IL31RA: variants seen among roughly 807,000 people sequenced by gnomAD.
IL31RA encodes interleukin 31 receptor A, also known as interleukin-31 receptor subunit alpha.
A neutral mutation model predicts 83.7 loss-of-function variants in IL31RA; 66 were observed. The ratio of observed to expected loss-of-function variants is 0.79; its 90% CI spans 0.65 to 0.97. The LOEUF is 0.97. IL31RA is among the 50% of genes least tolerant of loss of function. IL31RA has a pLI of 0.00. For synonymous variants in IL31RA, 325 were observed against 329.0 expected, an observed-to-expected ratio of 0.99 and a Z score of 0.13; for missense variants, 798 against 919.4, an observed-to-expected ratio of 0.87 and a Z score of 1.71.
intron 14 of IL31RA, among the ~76,000 whole-genome samples, chr5:55,916,005 A>G (rs540083272): frequency 2.0e-5 from 3 of 152,302 alleles, no homozygotes; most frequent in Admixed American, 2.0e-4. Flanking sequence ...AAGAGTTCTA[A>G]TTTTAGTTCT....
At chr5:55,847,261 A>G (rs1463484923), upstream of IL31RA, among the ~76,000 whole-genome samples, 6 of 144,968 alleles carry the variant, frequency 4.1e-5, no homozygotes, top group Non-Finnish European at 6.0e-5. Flanking sequence ...ATAAATAAAT[A>G]AATAAATAAA....
At chr5:55,850,039 G>A (rs933107655), upstream of IL31RA, among the ~76,000 whole-genome samples, 2 of 152,170 alleles carry the variant, frequency 1.3e-5, no homozygotes, top group Non-Finnish European at 2.9e-5. Context: ...GAGTTATAAA[G>A]GAATTGATCC....
chr5:55,851,079 G>A (rs2112257022), upstream of IL31RA, among the ~76,000 whole-genome samples: 2 of 150,740 alleles, frequency 1.3e-5, no homozygotes, highest in East Asian at 3.9e-4. Context: ...TAAGCAACAA[G>A]AGCGAAACTC....
At chr5:55,865,774 G>T (rs1746012468) in intron 2 of IL31RA, among the ~76,000 whole-genome samples, 1 of 152,192 alleles carries the variant, frequency 6.6e-6, no homozygotes, top group Non-Finnish European at 1.5e-5. Flanking sequence ...ACTTAAATTT[G>T]TTAACGTTGT....
chr5:55,853,296 G>T, intron 1 of IL31RA: 1 of 1,212,988 alleles, frequency 8.2e-7, no homozygotes, highest in Non-Finnish European at 1.0e-6. Flanking sequence ...AGAGTTGAGT[G>T]TTTTTGTTTT....
chr5:55,843,263 G>T, the IL31RA span, among the ~76,000 whole-genome samples: 1 of 152,154 alleles, frequency 6.6e-6, no homozygotes, highest in Admixed American at 6.5e-5. Context: ...AAAGAAAATT[G>T]GGATTTCAGG....
intron 4 of IL31RA, among the ~76,000 whole-genome samples, chr5:55,881,534 C>T (rs889525639): frequency 6.6e-6 from 1 of 151,774 alleles, no homozygotes; most frequent in African/African-American, 2.4e-5. Context: ...CCCACTTGCA[C>T]GGCGGCCTGC....
intron 1 of IL31RA, chr5:55,852,316 C>G (rs1045784180): frequency 6.6e-6 from 1 of 152,246 alleles, no homozygotes; most frequent in African/African-American, 2.4e-5. Context: ...ATTACAGGTG[C>G]CTGCCACCAT....
rs895793088 is a variant in IL31RA, at chr5:55,918,988, C to T, written c.*1868C>T. 1.3e-5 allele frequency among the ~76,000 whole-genome samples: 2 copies of T among 152,192 alleles called. No homozygotes were observed. Among genetic ancestry groups the T allele is most frequent in the Non-Finnish European group, 2.9e-5 (2 of 68,040 alleles). On this transcript the variant is annotated 3_prime_UTR_variant, in exon 15 of 15. Coordinates refer to ENST00000652347, the MANE Select transcript of IL31RA (RefSeq NM_139017.7). ...AAACAAAAGAGATGCGTCCAATTCT[C>T]ATGCCGCCCCTGATGTCTGCTCTCC...
At chr5:55,899,890 A>G (rs768101754) in intron 7 of IL31RA, 26 bp from the exon 8 acceptor site, 1 of 1,560,020 alleles carries the variant, frequency 6.4e-7, no homozygotes, top group South Asian at 1.1e-5. Context: ...GTTATTGGCA[A>G]TAAATTTTGT....
intron 7 of IL31RA, 110 bp from the exon 8 acceptor site, chr5:55,899,806 T>C: frequency 1.3e-6 from 1 of 744,920 alleles, no homozygotes; most frequent in African/African-American, 1.7e-5. Flanking sequence ...TGTAGTTTAG[T>C]ATCTAATAGT....
At chr5:55,872,619 G>A (rs1039016401) in intron 4 of IL31RA, among the ~76,000 whole-genome samples, 168 bp downstream of exon 4, 1 of 123,506 alleles carries the variant, frequency 8.1e-6, no homozygotes, top group Non-Finnish European at 1.8e-5. Flanking sequence ...GTGGGGGAAG[G>A]AGGGAAGGAA....
intron 6 of IL31RA, 147 bp from the exon 7 acceptor site, chr5:55,896,203 C>A: frequency 1.4e-6 from 1 of 700,806 alleles, no homozygotes; most frequent in East Asian, 2.7e-5. Context: ...CATCTTTGGT[C>A]ATTGCAAAGC....
At chr5:55,845,402 G>C in the IL31RA span, among the ~76,000 whole-genome samples, 1 of 119,770 alleles carries the variant, frequency 8.3e-6, no homozygotes, top group East Asian at 2.2e-4. Flanking sequence ...GGGCTGTAGT[G>C]GGGTATTTTC....
intron 1 of IL31RA, chr5:55,853,684 C>T: frequency 9.8e-7 from 1 of 1,021,078 alleles, no homozygotes; most frequent in Non-Finnish European, 1.5e-6. Context: ...TGAATTTCTC[C>T]TTGAACTGGT....
chr5:55,844,633 T>C, the IL31RA span, among the ~76,000 whole-genome samples: 1 of 152,326 alleles, frequency 6.6e-6, no homozygotes, highest in Non-Finnish European at 1.5e-5. Context: ...TCTGAGTTTA[T>C]TGGATCCTTG....
At chr5:55,895,215 T>C (rs1748256573) in intron 6 of IL31RA, among the ~76,000 whole-genome samples, 1 of 152,234 alleles carries the variant, frequency 6.6e-6, no homozygotes, top group African/African-American at 2.4e-5. Flanking sequence ...ACTAGGGACA[T>C]TTACTCTCTT....
In IL31RA at chr5:55,903,658, G is replaced by T. The variant is rs1291979518; in HGVS notation, c.1070-2448G>T. 1.3e-5 allele frequency among the ~76,000 whole-genome samples: 2 copies of T among 152,160 alleles called. No individual in the cohort carries two copies. The highest frequency in any genetic ancestry group is 3.8e-4 in the East Asian group (2 of 5,196). On this transcript the variant is annotated intron_variant, in intron 8 of 14. Coordinates refer to ENST00000652347, the MANE Select transcript of IL31RA (RefSeq NM_139017.7). The surrounding 1 kb of genome is among the most constrained non-coding windows in gnomAD (Gnocchi z 4.7). ...CCTGCTCCTCAGAGCTCCAGTGTTG[G>T]TGAGAAGGAGTGTGGGTTTAGACAC...
At position 55,922,749 on chromosome 5, in the gene IL31RA, T is replaced by C; in HGVS notation, c.*5629T>C. ...ATGTAATGCTATACTTCTATACTAT[T>C]TTCATGTAATACTATACTTCTATAC... On this transcript the variant is annotated 3_prime_UTR_variant, in exon 15 of 15. Transcript: ENST00000652347. The C allele has an allele frequency of 2.9e-6, 1 of 347,978 alleles. No homozygotes were observed. Among genetic ancestry groups the C allele is most frequent in the South Asian group, 5.9e-5 (1 of 17,030 alleles). 21.6% of individuals were successfully genotyped at this position (347,978 alleles called of 1,614,324 possible).
Sources: gnomAD v4.1 joint callset for allele counts (sites outside exome capture counted in the v4.1 genomes callset) on GRCh38, gnomAD v4.1.1 for gene constraint, Gnocchi (gnomAD v3.1) non-coding constraint, MANE v1.5 for transcripts, NCBI Gene and HGNC (gene_info 2026-07-23, HGNC 2026-07-21) for gene names.